SLC8B1: variants seen among roughly 807,000 people sequenced by gnomAD.
The protein encoded by SLC8B1 is mitochondrial sodium/calcium exchanger protein.
Under a neutral mutation model 63.4 loss-of-function variants are expected in SLC8B1, and 52 were observed. The ratio of observed to expected loss-of-function variants is 0.82; its 90% CI spans 0.66 to 1.03. SLC8B1 has a LOEUF of 1.03. Among genes scored for constraint, SLC8B1 ranks in the 50% least tolerant of loss-of-function variants. The pLI is 0.00. For synonymous variants in SLC8B1, 336 were observed against 323.9 expected (o/e 1.04, Z -0.40); for missense variants, 657 against 741.7 (o/e 0.89, Z 1.33).
intron 11 of SLC8B1, among the ~76,000 whole-genome samples, chr12:113,314,293 G>C (rs531876838): frequency 2.4e-4 from 36 of 152,308 alleles, no homozygotes; most frequent in African/African-American, 8.2e-4. Flanking sequence ...CAAGGAGGCT[G>C]TTTCATCCCG....
chr12:113,317,218 A>ACCTC (rs1199305940), intron 8 of SLC8B1, among the ~76,000 whole-genome samples: 1 of 151,054 alleles, frequency 6.6e-6, no homozygotes, highest in Non-Finnish European at 1.5e-5. Context: ...TCCCACCTCA[A>ACCTC]CCTCCCTCCC....
intron 9 of SLC8B1, 119 bp from the exon 10 acceptor site, chr12:113,316,775 C>T (rs774510628): frequency 1.3e-4 from 199 of 1,521,980 alleles, no homozygotes; most frequent in Non-Finnish European, 1.7e-4. Context: ...GCCCAGTACT[C>T]GGCAGAGGGC....
At chr12:113,322,937 G>A (rs1289874476) in intron 2 of SLC8B1, among the ~76,000 whole-genome samples, 1 of 152,108 alleles carries the variant, frequency 6.6e-6, no homozygotes, top group Non-Finnish European at 1.5e-5. Context: ...GTGACAGAGT[G>A]AGACCCTGTC....
chr12:113,332,983 G>C, intron 1 of SLC8B1, 23 bp from the exon 2 acceptor site: 1 of 1,411,532 alleles, frequency 7.1e-7, no homozygotes, highest in Non-Finnish European at 9.6e-7. Context: ...AGTGAGAAAG[G>C]GGGACAACAT....
chr12:113,306,589 A>G lies in SLC8B1; in HGVS notation c.1412-14T>C. On this transcript the variant is annotated splice_polypyrimidine_tract_variant and intron_variant, in intron 13 of 15. Coordinates refer to ENST00000680972, the MANE Select transcript of SLC8B1 (RefSeq NM_001358345.2). ...CCGAGAAGGCATCTGCACAGGAACAAGAGGGGCCTGCAGTGGTGAGTCGCT... is the reference window on the plus strand; with the variant it reads ...CCGAGAAGGCATCTGCACAGGAACAGGAGGGGCCTGCAGTGGTGAGTCGCT... 1.2e-6 allele frequency: 2 copies of G among 1,612,978 alleles called. No individual in the cohort carries two copies. Among genetic ancestry groups the G allele is most frequent in the Non-Finnish European group, 1.7e-6 (2 of 1,179,128 alleles).
At chr12:113,309,861 G>T (rs940723693) in intron 12 of SLC8B1, among the ~76,000 whole-genome samples, 55 of 152,184 alleles carry the variant, frequency 3.6e-4, no homozygotes, top group Non-Finnish European at 5.9e-4. Flanking sequence ...GGGGCTATGT[G>T]GGGGGTGGGG....
chr12:113,328,718 T>A (rs1593261493), intron 2 of SLC8B1, among the ~76,000 whole-genome samples: 1 of 151,116 alleles, frequency 6.6e-6, no homozygotes, highest in East Asian at 1.9e-4. Context: ...CCCTGACTAC[T>A]CCCAGCCTAG....
intron 8 of SLC8B1, 46 bp from the exon 9 acceptor site, chr12:113,317,047 G>C (rs140482404): frequency 1.3e-6 from 2 of 1,561,618 alleles, no homozygotes; most frequent in East Asian, 4.5e-5. Context: ...GACCATTTTC[G>C]AGGGGGCACA....
chr12:113,300,636 G>A (rs911458883), intron 15 of SLC8B1, among the ~76,000 whole-genome samples: 6 of 152,214 alleles, frequency 3.9e-5, no homozygotes, highest in African/African-American at 9.6e-5. Flanking sequence ...TTACCCAGAC[G>A]TGGCCCCAGA....
At chr12:113,332,090 G>A (rs968533842) in intron 2 of SLC8B1, among the ~76,000 whole-genome samples, 10 of 152,114 alleles carry the variant, frequency 6.6e-5, no homozygotes, top group African/African-American at 2.4e-4. Flanking sequence ...TCCCCGGGGT[G>A]TCAATGTAGG....
chr12:113,318,070 CAT>C (rs1347918422), intron 8 of SLC8B1, among the ~76,000 whole-genome samples: 8 of 151,180 alleles, frequency 5.3e-5, no homozygotes, highest in East Asian at 1.9e-4. Flanking sequence ...TGCATGTGTG[CAT>C]ATATTTGTGT....
intron 13 of SLC8B1, 46 bp from the exon 14 acceptor site, chr12:113,306,621 A>G (rs959666549): frequency 6.6e-7 from 1 of 1,510,550 alleles, no homozygotes; most frequent in Non-Finnish European, 9.2e-7. Flanking sequence ...CGCTTCCCCC[A>G]CCCTCCCTGG....
rs202175735 is a variant in SLC8B1, at chr12:113,332,886, C to G, written c.-8G>C. On this transcript the variant is annotated 5_prime_UTR_variant, in exon 2 of 16. Coordinates refer to ENST00000680972, the MANE Select transcript of SLC8B1 (RefSeq NM_001358345.2). ...CAGCCTTCTGCCGGCCATCTGCCCC[C>G]ACGGGGCCTGGCCCTTACTCTCCAC... is the stretch of plus-strand genomic sequence containing the variant. The G allele has an allele frequency of 3.8e-5, 62 of 1,613,400 alleles. No homozygotes were observed. The highest frequency in any genetic ancestry group is 5.2e-5 in the Non-Finnish European group (61 of 1,179,862).
intron 2 of SLC8B1, among the ~76,000 whole-genome samples, chr12:113,321,675 T>A (rs1462740352): frequency 1.3e-5 from 2 of 152,110 alleles, no homozygotes; most frequent in Admixed American, 6.5e-5. Context: ...TACAGACATT[T>A]CTCAGATCAA....
At chr12:113,315,234 G>A (rs1363996227) in intron 11 of SLC8B1, 101 bp downstream of exon 11, 9 of 1,263,398 alleles carry the variant, frequency 7.1e-6, no homozygotes, top group Non-Finnish European at 9.5e-6. Flanking sequence ...AGGTTGCAGT[G>A]AGCTGAGATC....
At chr12:113,300,024 C>T in intron 15 of SLC8B1, 50 bp from the exon 16 acceptor site, 1 of 1,556,722 alleles carries the variant, frequency 6.4e-7, no homozygotes, top group South Asian at 1.1e-5. Flanking sequence ...GTCACAGGCC[C>T]CGCCCCGTCT....
At position 113,320,951 on chromosome 12, in the gene SLC8B1, C is replaced by A; in HGVS notation, c.363-44G>T. 1 of 1,591,500 alleles carries A rather than the reference C, an allele frequency of 6.3e-7. No individual in the cohort carries two copies. The highest frequency in any genetic ancestry group is 2.3e-5 in the East Asian group (1 of 44,196). Reference sequence around the variant, plus strand: ...CGGGAAGCATTTCCGTAGTAACCGGCCCCGGACCCCTATCCTTCCCCCAAA... The same window carrying A: ...CGGGAAGCATTTCCGTAGTAACCGGACCCGGACCCCTATCCTTCCCCCAAA... On this transcript the variant is annotated intron_variant, in intron 4 of 15. Transcript: ENST00000680972. This position sits in a 1 kb window ranked among gnomAD's most constrained non-coding sequence, Gnocchi z 5.3.
intron 2 of SLC8B1, among the ~76,000 whole-genome samples, chr12:113,325,018 A>G (rs1956979747): frequency 6.6e-6 from 1 of 152,036 alleles, no homozygotes; most frequent in Non-Finnish European, 1.5e-5. Flanking sequence ...CTACCATCTA[A>G]GAGCTGTATC....
intron 2 of SLC8B1, among the ~76,000 whole-genome samples, chr12:113,328,720 C>T (rs1471949383): frequency 6.6e-6 from 1 of 151,942 alleles, no homozygotes; most frequent in Non-Finnish European, 1.5e-5. Context: ...CTGACTACTC[C>T]CAGCCTAGCT....
Sources: gnomAD v4.1 joint callset for allele counts (sites outside exome capture counted in the v4.1 genomes callset) on GRCh38, gnomAD v4.1.1 for gene constraint, Gnocchi (gnomAD v3.1) non-coding constraint, MANE v1.5 for transcripts, NCBI Gene and HGNC (gene_info 2026-07-23, HGNC 2026-07-21) for gene names.